The following UBR4 variants were observed in gnomAD, a reference collection of about 807,000 sequenced individuals.
UBR4 encodes the protein ubiquitin protein ligase E3 component n-recognin 4.
UBR4 carries 124 observed loss-of-function variants against 575.6 expected under a neutral mutation model. The observed-to-expected ratio is 0.22, with a 90% confidence interval of 0.19 to 0.25. The LOEUF (loss-of-function observed/expected upper bound fraction) is 0.25, where lower values mean the gene tolerates loss of function less well. Among genes scored for constraint, UBR4 ranks in the 10% least tolerant of loss-of-function variants. The probability of loss-of-function intolerance (pLI) is 1.00; values close to 1 mark genes in which losing one functional copy is unlikely to be tolerated. For synonymous variants in UBR4, 2,455 were observed against 2,473.7 expected, an observed-to-expected ratio of 0.99 and a Z score of 0.22; for missense variants, 4,818 against 6,478.8, an observed-to-expected ratio of 0.74 and a Z score of 8.80.
intron 17 of UBR4, 63 bp from the exon 18 acceptor site, chr1:19,179,283 C>T (rs2090618649): frequency 6.3e-6 from 9 of 1,436,548 alleles, no homozygotes; most frequent in South Asian, 4.9e-5. Flanking sequence ...CAAAAGGTTA[C>T]TCATGTTCTC....
chr1:19,114,075 A>T lies in UBR4; in HGVS notation c.11203-5T>A, dbSNP rs1426857389. On this transcript the variant is annotated splice_polypyrimidine_tract_variant and splice_region_variant and intron_variant, in intron 75 of 105. Transcript: ENST00000375254. The stretch of plus-strand genomic sequence containing the variant: ...TGTATTGATGTTGGATACAGCCTAG[A>T]CAGGAAAAGACAGGGACTGAGTGAA... 6.2e-7 allele frequency: 1 copy of T among 1,608,796 alleles called. No homozygotes were observed. Among genetic ancestry groups the T allele is most frequent in the Non-Finnish European group, 8.5e-7 (1 of 1,175,528 alleles).
At chr1:19,145,005 AG>A in intron 53 of UBR4, 98 bp from the exon 54 acceptor site, 1 of 1,424,136 alleles carries the variant, frequency 7.0e-7, no homozygotes, top group East Asian at 2.4e-5. Context: ...TCCATGTAAA[AG>A]GTCATGCAAA....
rs747997264 is a variant in UBR4 at position 19,101,508 on chromosome 1, C to T, written c.13023+12G>A. On this transcript the variant is annotated intron_variant, in intron 88 of 105. Coordinates refer to ENST00000375254, the MANE Select transcript of UBR4 (RefSeq NM_020765.3). ...GACACTCGAGAGCCATGGGAAGCAC[C>T]GCACTGCTTACAGGATAAATGATGC... 34 of 1,605,354 alleles carry T rather than the reference C, an allele frequency of 2.1e-5. No individual in the cohort carries two copies. The highest frequency in any genetic ancestry group is 2.7e-5 in the African/African-American group (2 of 74,796).
rs996697024 is a variant in UBR4, at chr1:19,134,089, A to C, written c.8906+3918T>G. Among the ~76,000 whole-genome samples the C allele has an allele frequency of 4.0e-4, 58 of 146,710 alleles. No homozygotes were observed. In the South Asian group the frequency reaches 0.012, roughly 30 times the overall value. On this transcript the variant is annotated intron_variant, in intron 60 of 105. Coordinates refer to ENST00000375254, the MANE Select transcript of UBR4 (RefSeq NM_020765.3). ...CAAGAGAGTGAGACTCTGTCTCTAA[A>C]AAAAAAAAAAAAAAAAAAAAAAAAA... is the stretch of plus-strand genomic sequence containing the variant.
In UBR4 at chr1:19,092,859, C is replaced by T. The variant is rs2077659825; in HGVS notation, c.14171G>A (p.Arg4724Lys). 9 of 1,613,416 alleles carry T rather than the reference C, an allele frequency of 5.6e-6. No homozygotes were observed. The highest frequency in any genetic ancestry group is 7.6e-6 in the Non-Finnish European group (9 of 1,179,828). Reference sequence around the variant, plus strand: ...CTGGATGGCCAGGCCCCGAAGCAGCCTTAGGATAAATGGCAAGGCTGGGCG... The same window carrying T: ...CTGGATGGCCAGGCCCCGAAGCAGCTTTAGGATAAATGGCAAGGCTGGGCG... ...LSRPALPFIL[R>K]LLRGLAIQHP... Residue 4724 changes from arginine to lysine, a missense_variant, in exon 97 of 106, where the codon AGG (arginine) becomes AAG (lysine). Physicochemically the swap from Arg to Lys is conservative, Grantham distance 26. This residue lies in a region of UBR4 where 196 missense variants were observed against 386.8 expected (regional missense o/e 0.51). Coordinates refer to ENST00000375254, the MANE Select transcript of UBR4 (RefSeq NM_020765.3).
intron 26 of UBR4, among the ~76,000 whole-genome samples, chr1:19,170,457 CA>C (rs888725956): frequency 2.0e-5 from 3 of 152,144 alleles, no homozygotes; most frequent in South Asian, 2.1e-4. Context: ...GTGCTAAAGA[CA>C]AAATAGCCTT....
At chr1:19,109,093 A>T (rs776497763) in intron 81 of UBR4, among the ~76,000 whole-genome samples, 5 of 152,218 alleles carry the variant, frequency 3.3e-5, no homozygotes, top group Non-Finnish European at 5.9e-5. Flanking sequence ...GCTTCCCCAC[A>T]TCATAACCCT....
chr1:19,102,427 A>C (rs2078735330), intron 87 of UBR4, among the ~76,000 whole-genome samples: 1 of 152,116 alleles, frequency 6.6e-6, no homozygotes, highest in Non-Finnish European at 1.5e-5. Context: ...AAAAAAGGTA[A>C]AGGTCCCTGA....
Position 19,093,345 on chromosome 1 carries a change from G to T in UBR4, c.14079C>A (p.Asp4693Glu), listed in dbSNP as rs149850161. Residue 4693 changes from aspartate to glutamate, a missense_variant, in exon 96 of 106, where the codon GAC becomes GAA. Asp to Glu is a conservative substitution (Grantham distance 45). This residue lies in a region of UBR4 where 39 missense variants were observed against 37.5 expected (regional missense o/e 1.04). Coordinates refer to ENST00000375254, the MANE Select transcript of UBR4 (RefSeq NM_020765.3). The surrounding 1 kb of genome is among the most constrained non-coding windows in gnomAD (Gnocchi z 4.8). ...CGCTAGGGATGTGCTTTTTCATGTAGTCAAGTGCATTCTGGGTGATCCCCT... is the reference window on the plus strand; with the variant it reads ...CGCTAGGGATGTGCTTTTTCATGTATTCAAGTGCATTCTGGGTGATCCCCT... ...LQKGITQNAL[D>E]YMKKHIPSAK... 137 of 1,614,066 alleles carry T rather than the reference G, an allele frequency of 8.5e-5. No individual in the cohort carries two copies. The East Asian group carries it at 3.0e-3, about 35-fold the overall frequency.
chr1:19,185,311 G>GA (rs780283145), intron 14 of UBR4, 25 bp from the exon 15 acceptor site: 27 of 1,501,274 alleles, frequency 1.8e-5, no homozygotes, highest in Non-Finnish European at 2.4e-5. Context: ...ATAAAGTAAC[G>GA]AAAATAAATA....
At chr1:19,178,398 G>T (rs2090515716) in intron 18 of UBR4, among the ~76,000 whole-genome samples, 1 of 152,084 alleles carries the variant, frequency 6.6e-6, no homozygotes, top group Admixed American at 6.6e-5. Flanking sequence ...GTTTAACAAG[G>T]GTTTCCCTCA....
chr1:19,135,761 G>A (rs1203444988), intron 60 of UBR4, among the ~76,000 whole-genome samples: 2 of 152,026 alleles, frequency 1.3e-5, no homozygotes, highest in African/African-American at 4.8e-5. Context: ...GAAAATAAGT[G>A]AAATAACAGA....
At chr1:19,085,504 A>G (rs566689268) in intron 101 of UBR4, among the ~76,000 whole-genome samples, 3 of 152,200 alleles carry the variant, frequency 2.0e-5, no homozygotes, top group East Asian at 3.8e-4. Flanking sequence ...CCTGGGTGAC[A>G]AGAGCAAAAC....
rs1318991232 is a variant in UBR4, at chr1:19,095,578, G to C, written c.13593C>G (p.Asn4531Lys). Residue 4531 changes from asparagine to lysine, a missense_variant, in exon 93 of 106, where the codon AAC becomes AAG. Around this residue, in one of 29 missense-constraint regions of UBR4, gnomAD observed 165 missense variants for 282.3 expected, o/e 0.58. Coordinates refer to ENST00000375254, the MANE Select transcript of UBR4 (RefSeq NM_020765.3). The stretch of plus-strand genomic sequence containing the variant: ...GGGTCCCCAGCATGACGTTCAAGGT[G>C]TTCATTTCCAGTTTGACCAGTTGCT... ...NRQQLVKLEM[N>K]TLNVMLGTLN... 1 of 1,614,092 alleles carries C rather than the reference G, an allele frequency of 6.2e-7. No individual in the cohort carries two copies.
At position 19,178,962 on chromosome 1, in the gene UBR4, C is replaced by T. The variant is rs2090585185; in HGVS notation, c.2354+89G>A. The T allele has an allele frequency of 2.7e-6, 4 of 1,496,724 alleles. No individual in the cohort carries two copies. In the East Asian group the frequency reaches 9.1e-5, roughly 34 times the overall value. 92.7% of individuals were successfully genotyped at this position (1,496,724 alleles called of 1,614,324 possible). On this transcript the variant is annotated intron_variant, in intron 18 of 105. Coordinates refer to ENST00000375254, the MANE Select transcript of UBR4 (RefSeq NM_020765.3). Reference sequence around the variant, plus strand: ...TCTAAACATTATCATTACAGCAAAGCCTCAAAGCCACAGATTAACTACAAA... The same window carrying T: ...TCTAAACATTATCATTACAGCAAAGTCTCAAAGCCACAGATTAACTACAAA...
Position 19,168,099 on chromosome 1 carries a change from T to A in UBR4, c.3827A>T (p.Gln1276Leu). The stretch of plus-strand genomic sequence containing the variant: ...CAGGGAAGCAGCCAGGGGCAGACTT[T>A]GGCTACAGAGAGTCCCCAGGTGTGC... ...QAAHLGTLCS[Q>L]SLPLAASLKH... Residue 1276 changes from glutamine (Q) to leucine (L), a missense_variant, in exon 28 of 106, where the codon CAA becomes CTA. This residue lies in a region of UBR4 where 1,172 missense variants were observed against 1,259.7 expected (regional missense o/e 0.93). Transcript: ENST00000375254. The A allele has an allele frequency of 6.2e-7, 1 of 1,613,752 alleles. No homozygotes were observed. The highest frequency in any genetic ancestry group is 8.5e-7 in the Non-Finnish European group (1 of 1,179,726).
At chr1:19,135,228 T>C (rs995459106) in intron 60 of UBR4, among the ~76,000 whole-genome samples, 3 of 152,204 alleles carry the variant, frequency 2.0e-5, no homozygotes, top group Admixed American at 6.5e-5. Flanking sequence ...TGATCAGGTA[T>C]GTGAGAAGCT....
At chr1:19,102,322 AC>A (rs1484739009) in intron 87 of UBR4, among the ~76,000 whole-genome samples, 1 of 152,060 alleles carries the variant, frequency 6.6e-6, no homozygotes, top group Non-Finnish European at 1.5e-5. Context: ...CCTCGATCAC[AC>A]CACTGTACCC....
chr1:19,105,126 C>T lies in UBR4; in HGVS notation c.12567G>A (p.Lys4189=). ...CAAEYLALYQ[K]LITSAHWKVY... is the part of the protein sequence containing the mutation. ...CTTTCCAGTGCGCAGAAGTGATGAG[C>T]TTCTGGTAGAGAGCCAGGTACTCAG... Residue 4189 remains lysine, a synonymous_variant, in exon 85 of 106, where the codon AAG becomes AAA. Coordinates refer to ENST00000375254, the MANE Select transcript of UBR4 (RefSeq NM_020765.3). 1 of 1,614,130 alleles carries T rather than the reference C, an allele frequency of 6.2e-7. No homozygotes were observed. The highest frequency in any genetic ancestry group is 8.5e-7 in the Non-Finnish European group (1 of 1,180,014).
Sources: gnomAD v4.1 joint callset for allele counts (sites outside exome capture counted in the v4.1 genomes callset) on GRCh38, gnomAD v4.1.1 for gene constraint, gnomAD v4.1.1 regional missense constraint, Gnocchi (gnomAD v3.1) non-coding constraint, MANE v1.5 for transcripts, NCBI Gene and HGNC (gene_info 2026-07-23, HGNC 2026-07-21) for gene names.